Variants in GRIP1 observed in about 807,000 individuals in gnomAD.
GRIP1 encodes glutamate receptor-interacting protein 1.
A neutral mutation model predicts 129.9 loss-of-function variants in GRIP1; 45 were observed. The observed-to-expected ratio is 0.35, with a 90% CI of 0.27 to 0.44. GRIP1 has a LOEUF of 0.44. GRIP1 is among the 20% of genes least tolerant of loss of function. The pLI is 1.00. For synonymous variants in GRIP1, 530 were observed against 520.8 expected (o/e 1.02, Z -0.24); for missense variants, 1,196 against 1,396.8 (o/e 0.86, Z 2.29).
chr12:66,723,291 T>C (rs375689756), intron 1 of GRIP1, among the ~76,000 whole-genome samples: 307 of 10,312 alleles, frequency 0.03, 9 homozygotes, highest in Non-Finnish European at 0.037. Flanking sequence ...TTCCTTTCTT[T>C]CTTTCTTTCT....
chr12:66,479,646 A>T (rs764089207), intron 7 of GRIP1, among the ~76,000 whole-genome samples: 6 of 152,236 alleles, frequency 3.9e-5, no homozygotes, highest in Non-Finnish European at 1.5e-5. Flanking sequence ...AGTATCCCTG[A>T]TGAACATCAA....
At chr12:66,864,179 C>T (rs180905282) in intron 1 of GRIP1, among the ~76,000 whole-genome samples, 1 of 151,964 alleles carries the variant, frequency 6.6e-6, no homozygotes, top group Admixed American at 6.6e-5. Context: ...AGTGATGATA[C>T]TCAATTTTTT....
chr12:66,882,637 T>C (rs2040498819), intron 1 of GRIP1, among the ~76,000 whole-genome samples: 1 of 152,214 alleles, frequency 6.6e-6, no homozygotes, highest in Non-Finnish European at 1.5e-5. Flanking sequence ...TAAAGTATTA[T>C]CTGCGAGTAC....
intron 1 of GRIP1, among the ~76,000 whole-genome samples, chr12:66,781,043 G>A (rs903566514): frequency 6.6e-6 from 1 of 152,094 alleles, no homozygotes; most frequent in Non-Finnish European, 1.5e-5. Flanking sequence ...AATGATTATT[G>A]TTCACCACTG....
intron 1 of GRIP1, among the ~76,000 whole-genome samples, chr12:66,865,562 C>G (rs879314228): frequency 2.0e-5 from 3 of 151,346 alleles, no homozygotes; most frequent in Non-Finnish European, 4.4e-5. Context: ...AAAAGGTCAA[C>G]AACACATTCT....
intron 1 of GRIP1, among the ~76,000 whole-genome samples, chr12:66,895,565 C>T (rs2040733604): frequency 6.6e-6 from 1 of 152,110 alleles, no homozygotes; most frequent in Non-Finnish European, 1.5e-5. Flanking sequence ...CCATTCTCTC[C>T]CCTTGTTTCT....
chr12:66,537,588 A>G (rs1007363663), intron 4 of GRIP1, among the ~76,000 whole-genome samples: 2 of 152,094 alleles, frequency 1.3e-5, no homozygotes, highest in African/African-American at 4.8e-5. Context: ...AAATTAATGT[A>G]TCCATAAAGA....
chr12:66,369,657 G>A (rs2055370560), intron 23 of GRIP1, among the ~76,000 whole-genome samples: 1 of 152,250 alleles, frequency 6.6e-6, no homozygotes, highest in South Asian at 2.1e-4. Flanking sequence ...TTGGGGTGAA[G>A]GAAGGTGGGT....
chr12:66,707,502 C>CAAAAA (rs1565979272), intron 1 of GRIP1, among the ~76,000 whole-genome samples: 6 of 86,004 alleles, frequency 7.0e-5, no homozygotes, highest in Non-Finnish European at 9.3e-5. Flanking sequence ...CAATCACTGA[C>CAAAAA]TAAAAAAAAA....
chr12:66,750,530 G>A (rs2037092767), intron 1 of GRIP1, among the ~76,000 whole-genome samples: 1 of 152,158 alleles, frequency 6.6e-6, no homozygotes, highest in African/African-American at 2.4e-5. Context: ...GAGGTCACAG[G>A]TCCTGTAGGA....
intron 1 of GRIP1, among the ~76,000 whole-genome samples, chr12:66,889,128 TTGTC>T (rs1690344568): frequency 6.6e-6 from 1 of 152,198 alleles, no homozygotes; most frequent in Non-Finnish European, 1.5e-5. Context: ...GTCTAGTTGT[TTGTC>T]TGTGCACGGA....
chr12:66,443,922 T>C (rs964120757), intron 13 of GRIP1, among the ~76,000 whole-genome samples: 1 of 152,226 alleles, frequency 6.6e-6, no homozygotes, highest in Non-Finnish European at 1.5e-5. Flanking sequence ...TCAAAAGAAG[T>C]TTCATGTGTT....
chr12:66,584,374 T>A (rs1301802762), intron 2 of GRIP1, among the ~76,000 whole-genome samples: 1 of 151,318 alleles, frequency 6.6e-6, no homozygotes, highest in South Asian at 2.1e-4. Context: ...AACCTGCACA[T>A]TGTGCACATG....
intron 1 of GRIP1, among the ~76,000 whole-genome samples, chr12:66,641,955 A>G (rs2031966745): frequency 1.3e-5 from 2 of 152,192 alleles, no homozygotes; most frequent in East Asian, 3.8e-4. Flanking sequence ...AAAAATAAAG[A>G]TCATAGTGTT....
chr12:66,517,822 T>C, intron 6 of GRIP1, 79 bp downstream of exon 6: 1 of 795,518 alleles, frequency 1.3e-6, no homozygotes, highest in Non-Finnish European at 2.2e-6. Context: ...GTAAAATTTC[T>C]AATTTATCAA....
intron 1 of GRIP1, among the ~76,000 whole-genome samples, chr12:66,662,492 C>T (rs1452435370): frequency 6.6e-6 from 1 of 152,094 alleles, no homozygotes; most frequent in African/African-American, 2.4e-5. Context: ...GCTGATGAGT[C>T]AAGATTCTTG....
chr12:66,539,356 G>T, intron 3 of GRIP1, 133 bp from the exon 4 acceptor site: 2 of 1,166,938 alleles, frequency 1.7e-6, no homozygotes, highest in Non-Finnish European at 2.5e-6. Context: ...AGAAGTCCCT[G>T]CCTCCTAGGA....
intron 1 of GRIP1, among the ~76,000 whole-genome samples, chr12:66,822,545 G>T (rs1482514633): frequency 3.3e-5 from 5 of 152,060 alleles, no homozygotes; most frequent in Non-Finnish European, 7.4e-5. Flanking sequence ...AAAGACACAT[G>T]AACTCATATG....
intron 2 of GRIP1, among the ~76,000 whole-genome samples, chr12:66,556,897 G>A (rs534877707): frequency 1.3e-4 from 19 of 151,494 alleles, no homozygotes; most frequent in African/African-American, 4.4e-4. Flanking sequence ...AAGGAAGACA[G>A]GAAGGAATGA....
Sources: allele counts gnomAD v4.1 joint callset (sites outside exome capture counted in the v4.1 genomes callset), GRCh38; gene constraint gnomAD v4.1.1; transcripts MANE v1.5; gene names NCBI Gene and HGNC (gene_info 2026-07-23, HGNC 2026-07-21).